The following GRIK2 variants were observed in gnomAD, a reference collection of about 807,000 sequenced individuals.
The protein encoded by GRIK2 is glutamate ionotropic receptor kainate type subunit 2.
Under a neutral mutation model 100.3 loss-of-function variants are expected in GRIK2, and 32 were observed. The observed-to-expected ratio is 0.32, with a 90% CI of 0.24 to 0.43. The LOEUF (loss-of-function observed/expected upper bound fraction) is 0.43, where lower values mean the gene tolerates loss of function less well. GRIK2 is among the 20% of genes least tolerant of loss of function. The pLI is 1.00. For missense variants in GRIK2, 843 were observed against 1,114.9 expected, an observed-to-expected ratio of 0.76 and a Z score of 3.47; for synonymous variants, 417 against 389.4, an observed-to-expected ratio of 1.07 and a Z score of -0.83.
At chr6:101,661,538 C>T (rs944558163) in intron 4 of GRIK2, among the ~76,000 whole-genome samples, 2 of 152,090 alleles carry the variant, frequency 1.3e-5, no homozygotes, top group Non-Finnish European at 2.9e-5. Flanking sequence ...AACACTCCTG[C>T]AGCTAGCTCA....
intron 16 of GRIK2, among the ~76,000 whole-genome samples, chr6:102,067,140 A>G (rs1293994637): frequency 6.6e-6 from 1 of 151,716 alleles, no homozygotes; most frequent in Non-Finnish European, 1.5e-5. Context: ...AAGTTAACAT[A>G]TAAAATTGTA....
intron 4 of GRIK2, among the ~76,000 whole-genome samples, chr6:101,632,489 T>C (rs1393353014): frequency 6.6e-6 from 1 of 152,162 alleles, no homozygotes; most frequent in Non-Finnish European, 1.5e-5. Flanking sequence ...TCAAATTTGG[T>C]TAAGTAGCCT....
chr6:101,758,055 C>T (rs1691883544), intron 7 of GRIK2, among the ~76,000 whole-genome samples: 1 of 151,872 alleles, frequency 6.6e-6, no homozygotes, highest in African/African-American at 2.4e-5. Context: ...ATGGTGAAAT[C>T]CCAACTTTAC....
In GRIK2 at chr6:101,700,971, CT is replaced by C. The variant is rs34690941; in HGVS notation, c.951+14622del. ...TTAGGTGACTAGGAAGACTCTAGTG[CT>C]TTTCACCGAAGTGGGGCTATTGCAA... On this transcript the variant is annotated intron_variant, in intron 7 of 16. Transcript: ENST00000369134. 5.0e-3 allele frequency among the ~76,000 whole-genome samples: 768 copies of C among 152,210 alleles called. 6 individuals are homozygous for C. The highest frequency in any genetic ancestry group is 0.018 in the African/African-American group (733 of 41,552).
Position 101,682,969 on chromosome 6 carries a change from C to T in GRIK2, c.777+363C>T, listed in dbSNP as rs538365781. Among the ~76,000 whole-genome samples the T allele has an allele frequency of 4.3e-4, 66 of 152,060 alleles. 1 individual carries two copies. In the South Asian group the frequency reaches 0.013, roughly 29 times the overall value. ...CTGTAATCCCAGCACTTTGGTAGGC[C>T]GGGGCAGAAGGATCACCTGAGGTCA... On this transcript the variant is annotated intron_variant, in intron 6 of 16. Transcript: ENST00000369134.
intron 1 of GRIK2, among the ~76,000 whole-genome samples, chr6:101,395,766 G>A (rs1015612426): frequency 1.3e-5 from 2 of 151,942 alleles, no homozygotes; most frequent in Non-Finnish European, 2.9e-5. Context: ...TGATATTTGT[G>A]TCAGCCTTCT....
At chr6:101,732,640 A>G (rs1775353881) in intron 7 of GRIK2, among the ~76,000 whole-genome samples, 1 of 152,138 alleles carries the variant, frequency 6.6e-6, no homozygotes, top group South Asian at 2.1e-4. Flanking sequence ...TTAGAACTTA[A>G]TATTTGTTTA....
At chr6:101,520,344 GTATTACATTATATATTACAATATA>G (rs1295592212) in intron 2 of GRIK2, among the ~76,000 whole-genome samples, 1 of 150,016 alleles carries the variant, frequency 6.7e-6, no homozygotes, top group Non-Finnish European at 1.5e-5. Flanking sequence ...AATACCTGAA[GTATTACATTATATATTACAATATA>G]TATTACATTA....
At chr6:101,771,088 T>C (rs981065444) in intron 7 of GRIK2, among the ~76,000 whole-genome samples, 1 of 152,130 alleles carries the variant, frequency 6.6e-6, no homozygotes, top group Non-Finnish European at 1.5e-5. Context: ...CCAACTTATA[T>C]GGAGATAAAA....
At chr6:101,512,642 C>T (rs559134576) in intron 2 of GRIK2, among the ~76,000 whole-genome samples, 8 of 152,136 alleles carry the variant, frequency 5.3e-5, no homozygotes, top group Admixed American at 2.0e-4. Context: ...TAAACATCCA[C>T]TTTTACGACA....
chr6:101,799,138 T>G (rs773572185), intron 7 of GRIK2, among the ~76,000 whole-genome samples: 2 of 152,126 alleles, frequency 1.3e-5, no homozygotes, highest in African/African-American at 2.4e-5. Flanking sequence ...GCTAAAAGAT[T>G]AAAACAATGA....
At chr6:101,527,383 CAT>C (rs1279427331) in intron 2 of GRIK2, among the ~76,000 whole-genome samples, 2 of 152,190 alleles carry the variant, frequency 1.3e-5, no homozygotes, top group East Asian at 3.9e-4. Flanking sequence ...AAGGAGGTCT[CAT>C]AACAATGATT....
chr6:101,460,274 G>A (rs1228130279), intron 2 of GRIK2, among the ~76,000 whole-genome samples: 1 of 152,136 alleles, frequency 6.6e-6, no homozygotes, highest in Non-Finnish European at 1.5e-5. Context: ...GGCCATTTAG[G>A]TCTGTTTACA....
chr6:101,701,972 T>C (rs1198287327), intron 7 of GRIK2, among the ~76,000 whole-genome samples: 2 of 152,052 alleles, frequency 1.3e-5, no homozygotes, highest in South Asian at 2.1e-4. Context: ...GGTTAAAATA[T>C]ACTGATTGAC....
At chr6:101,910,871 AAG>A (rs1788641247) in intron 12 of GRIK2, among the ~76,000 whole-genome samples, 1 of 150,630 alleles carries the variant, frequency 6.6e-6, no homozygotes, top group Admixed American at 6.7e-5. Context: ...ACACATACAC[AAG>A]CATTGGCTAA....
intron 2 of GRIK2, among the ~76,000 whole-genome samples, chr6:101,475,917 A>C (rs895252742): frequency 6.6e-6 from 1 of 152,048 alleles, no homozygotes; most frequent in African/African-American, 2.4e-5. Flanking sequence ...TATAAAGGAT[A>C]AATACTTTTA....
intron 2 of GRIK2, among the ~76,000 whole-genome samples, chr6:101,589,175 T>G (rs146081737): frequency 4.7e-4 from 72 of 152,248 alleles, no homozygotes; most frequent in African/African-American, 1.7e-3. Context: ...TGTTGTGGTT[T>G]TTATTTTAAA....
In GRIK2 at chr6:101,799,738, A is replaced by T; in HGVS notation, c.1042A>T (p.Asn348Tyr). The change falls in exon 8 of 17, where the codon AAT (asparagine) becomes TAT (tyrosine). Residue 348 changes from asparagine (N) to tyrosine (Y), a missense_variant. By Grantham distance (143) the Asn-to-Tyr change is moderately radical. Around this residue, in one of 3 missense-constraint regions of GRIK2, gnomAD observed 519 missense variants for 643.8 expected, o/e 0.81. Transcript: ENST00000369134. ...PQMTVSSLQC[N>Y]RHKPWRFGTR... ...GATGACAGTCAGTTCCTTGCAGTGT[A>T]ATCGACATAAACCCTGGCGCTTCGG... The T allele has an allele frequency of 1.2e-6, 2 of 1,613,570 alleles. No individual in the cohort carries two copies. The highest frequency in any genetic ancestry group is 2.2e-5 in the South Asian group (2 of 91,074).
intron 2 of GRIK2, among the ~76,000 whole-genome samples, chr6:101,512,406 G>T (rs956873306): frequency 3.3e-5 from 5 of 151,976 alleles, no homozygotes; most frequent in African/African-American, 1.2e-4. Flanking sequence ...TTTAATGGCT[G>T]TATGACTGAA....
Sources: allele counts gnomAD v4.1 joint callset (sites outside exome capture counted in the v4.1 genomes callset), GRCh38; gene constraint gnomAD v4.1.1; regional missense constraint gnomAD v4.1.1; transcripts MANE v1.5; gene names NCBI Gene and HGNC (gene_info 2026-07-23, HGNC 2026-07-21).